The following FBXW11 variants were observed in gnomAD, a reference collection of about 807,000 sequenced individuals.
FBXW11 encodes the protein F-box and WD repeat domain containing 11.
In FBXW11, 19 loss-of-function variants were observed where a neutral mutation model predicts 77.6. The ratio of observed to expected loss-of-function variants is 0.24; its 90% CI spans 0.17 to 0.36. The LOEUF (loss-of-function observed/expected upper bound fraction) is 0.36. Ranked by LOEUF, FBXW11 falls within the 10% of genes least tolerant of loss-of-function variation. The pLI, the probability that FBXW11 is intolerant of heterozygous loss-of-function variation, is 1.00. For missense variants in FBXW11, 334 were observed against 704.2 expected (o/e 0.47, Z 5.95); for synonymous variants, 235 against 249.4 (o/e 0.94, Z 0.54).
chr5:171,872,158 A>G (rs1757790741), intron 10 of FBXW11, among the ~76,000 whole-genome samples: 1 of 152,240 alleles, frequency 6.6e-6, no homozygotes, highest in Non-Finnish European at 1.5e-5. Flanking sequence ...TATAAACGCC[A>G]AAGTTTAGTC....
At chr5:171,946,182 A>C (rs1762998285) in intron 2 of FBXW11, among the ~76,000 whole-genome samples, 1 of 152,212 alleles carries the variant, frequency 6.6e-6, no homozygotes, top group Non-Finnish European at 1.5e-5. Context: ...TTCCAGCCTA[A>C]TGGCCTGTCT....
chr5:171,895,899 T>C (rs1382691858), intron 6 of FBXW11, among the ~76,000 whole-genome samples: 1 of 152,208 alleles, frequency 6.6e-6, no homozygotes, highest in Non-Finnish European at 1.5e-5. Flanking sequence ...TCAGGTTTTC[T>C]AGGAATTCCT....
At chr5:171,939,495 A>T (rs747950496) in intron 2 of FBXW11, among the ~76,000 whole-genome samples, 3 of 152,040 alleles carry the variant, frequency 2.0e-5, no homozygotes, top group Non-Finnish European at 4.4e-5. Flanking sequence ...CTAGGAGTTC[A>T]AGACCAGCCT....
intron 1 of FBXW11, among the ~76,000 whole-genome samples, chr5:171,979,614 TAAC>T (rs925808910): frequency 1.3e-5 from 2 of 152,174 alleles, no homozygotes; most frequent in African/African-American, 2.4e-5. Flanking sequence ...ACTAACTGGT[TAAC>T]AACATGGGGG....
intron 1 of FBXW11, among the ~76,000 whole-genome samples, chr5:171,977,012 G>A (rs539826016): frequency 6.6e-6 from 1 of 150,404 alleles, no homozygotes; most frequent in East Asian, 2.0e-4. Flanking sequence ...TGCAGCCTGG[G>A]CAACAAGAGT....
chr5:171,948,610 CA>C (rs538990449), intron 2 of FBXW11, among the ~76,000 whole-genome samples: 21 of 151,918 alleles, frequency 1.4e-4, no homozygotes, highest in Admixed American at 1.1e-3. Flanking sequence ...AAAAATCAAA[CA>C]AAAAAAGTTA....
intron 2 of FBXW11, among the ~76,000 whole-genome samples, chr5:171,942,674 A>T (rs887164534): frequency 2.0e-5 from 3 of 152,002 alleles, no homozygotes; most frequent in Non-Finnish European, 4.4e-5. Flanking sequence ...GTGGTAGCAC[A>T]CACCTGTAGT....
intron 2 of FBXW11, among the ~76,000 whole-genome samples, chr5:171,922,809 T>C (rs996845522): frequency 6.6e-6 from 1 of 152,236 alleles, no homozygotes; most frequent in Non-Finnish European, 1.5e-5. Context: ...TTCATTGTTA[T>C]TGACATTATA....
chr5:171,880,746 G>A (rs190655376), intron 7 of FBXW11, among the ~76,000 whole-genome samples: 2 of 152,272 alleles, frequency 1.3e-5, no homozygotes, highest in Admixed American at 1.3e-4. Context: ...ACCCAGGCTG[G>A]AGTGCAATGG....
chr5:172,005,477 AT>A, intron 1 of FBXW11, among the ~76,000 whole-genome samples: 1 of 152,210 alleles, frequency 6.6e-6, no homozygotes, highest in African/African-American at 2.4e-5. Flanking sequence ...CAATTAGCAA[AT>A]TCTTCACTTC....
chr5:171,994,813 A>G (rs1268223028), intron 1 of FBXW11, among the ~76,000 whole-genome samples: 1 of 152,038 alleles, frequency 6.6e-6, no homozygotes. Context: ...CGAGTCAGGC[A>G]GATTACTTGA....
At chr5:171,990,811 CTT>C (rs925239320) in intron 1 of FBXW11, among the ~76,000 whole-genome samples, 1 of 149,616 alleles carries the variant, frequency 6.7e-6, no homozygotes, top group South Asian at 2.1e-4. Flanking sequence ...GAATGAGAAA[CTT>C]TTTTTTTTCG....
chr5:171,983,821 A>C (rs1010664858), intron 1 of FBXW11, among the ~76,000 whole-genome samples: 5 of 152,188 alleles, frequency 3.3e-5, no homozygotes, highest in African/African-American at 1.2e-4. Context: ...CCCAAGAGAA[A>C]CAAGTGCTCA....
chr5:171,992,385 C>T (rs779422938), intron 1 of FBXW11, among the ~76,000 whole-genome samples: 13 of 151,282 alleles, frequency 8.6e-5, no homozygotes, highest in Non-Finnish European at 1.6e-4. Context: ...CGAGGCCATG[C>T]CATGACACTC....
intron 2 of FBXW11, among the ~76,000 whole-genome samples, chr5:171,940,011 C>T (rs113357833): frequency 0.03 from 4,603 of 152,090 alleles, 209 homozygotes; most frequent in African/African-American, 0.1. Flanking sequence ...AGTTGTTCTA[C>T]TGTATTTTTA....
At chr5:171,983,141 T>C (rs1765243354) in intron 1 of FBXW11, among the ~76,000 whole-genome samples, 1 of 152,002 alleles carries the variant, frequency 6.6e-6, no homozygotes, top group African/African-American at 2.4e-5. Flanking sequence ...GGTGAGCTGT[T>C]TGTGCCGCTA....
At chr5:171,871,162 A>G (rs1420783971) in intron 10 of FBXW11, among the ~76,000 whole-genome samples, 18 of 152,224 alleles carry the variant, frequency 1.2e-4, no homozygotes, top group Non-Finnish European at 2.9e-5. Context: ...CAAACAAGAA[A>G]CTTCAATTCT....
chr5:171,906,378 T>C lies in FBXW11; in HGVS notation c.436+4194A>G, dbSNP rs1331859213. ...ACCAACCTAAGGTTTCAGACAGAAA[T>C]GAAGTGAAAAGAAGCTCAGGTCACA... On this transcript the variant is annotated intron_variant, in intron 4 of 13. Transcript: ENST00000517395. Among the ~76,000 whole-genome samples, 3 of 152,072 alleles carry C rather than the reference T, an allele frequency of 2.0e-5. No individual in the cohort carries two copies. The East Asian group carries it at 5.8e-4, about 29-fold the overall frequency.
At chr5:171,864,588 A>C (rs1481633218) in intron 13 of FBXW11, among the ~76,000 whole-genome samples, 1 of 152,254 alleles carries the variant, frequency 6.6e-6, no homozygotes, top group Non-Finnish European at 1.5e-5. Flanking sequence ...AAAATATGCA[A>C]AAATTAGCCT....
Sources: gnomAD v4.1 joint callset for allele counts (sites outside exome capture counted in the v4.1 genomes callset) on GRCh38, gnomAD v4.1.1 for gene constraint, MANE v1.5 for transcripts, NCBI Gene and HGNC (gene_info 2026-07-23, HGNC 2026-07-21) for gene names.